KCND2: variants seen among roughly 807,000 people sequenced by gnomAD.
The protein encoded by KCND2 is A-type voltage-gated potassium channel KCND2.
A neutral mutation model predicts 54.4 loss-of-function variants in KCND2; 16 were observed. That is an observed-to-expected ratio of 0.29 (90% CI 0.20 to 0.45). The LOEUF is 0.45. KCND2 is among the 20% of genes least tolerant of loss of function. The pLI, the probability that KCND2 is intolerant of heterozygous loss-of-function variation, is 1.00. For synonymous variants in KCND2, 317 were observed against 310.7 expected, an observed-to-expected ratio of 1.02 and a Z score of -0.21; for missense variants, 486 against 824.2, an observed-to-expected ratio of 0.59 and a Z score of 5.02.
chr7:120,705,042 T>TA (rs1472607479), intron 1 of KCND2, among the ~76,000 whole-genome samples: 1 of 152,170 alleles, frequency 6.6e-6, no homozygotes, highest in Non-Finnish European at 1.5e-5. Flanking sequence ...TCTTTTGGAA[T>TA]AAAAAATGAG....
At chr7:120,426,600 T>C (rs1322970874) in intron 1 of KCND2, among the ~76,000 whole-genome samples, 2 of 143,922 alleles carry the variant, frequency 1.4e-5, no homozygotes, top group Admixed American at 1.4e-4. Flanking sequence ...TTTTTTTTTT[T>C]TTTTTTTGAG....
At chr7:120,361,612 T>G (rs912503153) in intron 1 of KCND2, among the ~76,000 whole-genome samples, 4 of 151,954 alleles carry the variant, frequency 2.6e-5, no homozygotes, top group African/African-American at 9.7e-5. Flanking sequence ...GGTGAGTGAG[T>G]TGCATGTTAA....
chr7:120,473,040 T>C (rs78535028), intron 1 of KCND2, among the ~76,000 whole-genome samples: 1,891 of 152,284 alleles, frequency 0.012, 20 homozygotes, highest in Non-Finnish European at 0.021. Flanking sequence ...TGTAGAGCTT[T>C]CTGGTCACAA....
chr7:120,573,320 A>G (rs2116429653), intron 1 of KCND2, among the ~76,000 whole-genome samples: 1 of 152,350 alleles, frequency 6.6e-6, no homozygotes, highest in Middle Eastern at 3.4e-3. Context: ...ATTGTAAAAT[A>G]CATATTCAAA....
intron 1 of KCND2, among the ~76,000 whole-genome samples, chr7:120,365,119 C>T (rs550196271): frequency 4.8e-4 from 72 of 149,640 alleles, no homozygotes; most frequent in African/African-American, 9.8e-4. Context: ...TTTATTTCTT[C>T]GTATTTTGCT....
intron 1 of KCND2, among the ~76,000 whole-genome samples, chr7:120,609,330 G>A (rs569268029): frequency 2.0e-5 from 3 of 152,210 alleles, no homozygotes; most frequent in African/African-American, 7.2e-5. Context: ...GCGGGATGGG[G>A]TTGCACAGCA....
intron 1 of KCND2, among the ~76,000 whole-genome samples, chr7:120,581,825 C>A (rs551657940): frequency 6.6e-6 from 1 of 152,120 alleles, no homozygotes; most frequent in South Asian, 2.1e-4. Flanking sequence ...AATTCTCCTG[C>A]CTCAGCAGCC....
intron 1 of KCND2, among the ~76,000 whole-genome samples, chr7:120,610,051 C>T (rs1355434767): frequency 1.3e-5 from 2 of 152,096 alleles, no homozygotes; most frequent in Non-Finnish European, 1.5e-5. Flanking sequence ...TATTTGAGTG[C>T]CTGCTACTGG....
At chr7:120,495,312 T>G (rs1336550302) in intron 1 of KCND2, among the ~76,000 whole-genome samples, 1 of 151,370 alleles carries the variant, frequency 6.6e-6, no homozygotes, top group Non-Finnish European at 1.5e-5. Flanking sequence ...AACACACTGT[T>G]GGATATTTTA....
intron 1 of KCND2, among the ~76,000 whole-genome samples, chr7:120,444,880 A>G (rs981778081): frequency 2.6e-5 from 4 of 152,124 alleles, no homozygotes; most frequent in East Asian, 1.9e-4. Flanking sequence ...TGAAATTCAT[A>G]TGGTAAAATT....
At chr7:120,320,232 GA>G (rs1344774020) in intron 1 of KCND2, among the ~76,000 whole-genome samples, 2 of 152,058 alleles carry the variant, frequency 1.3e-5, no homozygotes, top group Admixed American at 1.3e-4. Context: ...GGATTGTATA[GA>G]AGTACAGGGG....
intron 1 of KCND2, among the ~76,000 whole-genome samples, chr7:120,618,242 A>G (rs1246010243): frequency 6.6e-6 from 1 of 152,232 alleles, no homozygotes; most frequent in South Asian, 2.1e-4. Context: ...AAGTGAAATG[A>G]GTCAAGTGCC....
intron 1 of KCND2, among the ~76,000 whole-genome samples, chr7:120,487,470 C>T (rs953407095): frequency 3.3e-5 from 5 of 152,070 alleles, no homozygotes; most frequent in Admixed American, 6.6e-5. Context: ...TGGAGGGAAA[C>T]TCTGGGAAAT....
intron 1 of KCND2, among the ~76,000 whole-genome samples, chr7:120,698,670 T>G (rs1792362004): frequency 6.6e-6 from 1 of 152,226 alleles, no homozygotes; most frequent in Non-Finnish European, 1.5e-5. Context: ...GGTACTAGAC[T>G]GTGTCATTAA....
At chr7:120,729,230 C>T (rs959133472) in intron 1 of KCND2, among the ~76,000 whole-genome samples, 1 of 152,176 alleles carries the variant, frequency 6.6e-6, no homozygotes, top group African/African-American at 2.4e-5. Context: ...TTCCATTTCT[C>T]CAGGTCACTA....
chr7:120,578,367 A>C (rs994083775), intron 1 of KCND2, among the ~76,000 whole-genome samples: 3 of 152,138 alleles, frequency 2.0e-5, no homozygotes, highest in African/African-American at 4.8e-5. Context: ...AAGAAACCCC[A>C]ACTTAAAATT....
At chr7:120,612,469 T>C (rs192186544) in intron 1 of KCND2, among the ~76,000 whole-genome samples, 351 of 152,358 alleles carry the variant, frequency 2.3e-3, no homozygotes, top group South Asian at 9.3e-3. Flanking sequence ...TGAAGGAATA[T>C]GTTGAAAGAT....
chr7:120,721,316 C>A (rs913486524), intron 1 of KCND2, among the ~76,000 whole-genome samples: 2 of 152,044 alleles, frequency 1.3e-5, no homozygotes, highest in African/African-American at 4.8e-5. Context: ...TCTGGATATA[C>A]CTTAGTTTGT....
chr7:120,311,603 G>A (rs539691941), intron 1 of KCND2, among the ~76,000 whole-genome samples: 2 of 152,206 alleles, frequency 1.3e-5, no homozygotes, highest in South Asian at 4.2e-4. Flanking sequence ...TCAGGGGTAC[G>A]TGTGCTGGTT....
Sources: allele counts gnomAD v4.1 joint callset (sites outside exome capture counted in the v4.1 genomes callset), GRCh38; gene constraint gnomAD v4.1.1; transcripts MANE v1.5; gene names NCBI Gene and HGNC (gene_info 2026-07-23, HGNC 2026-07-21).